The following B3GALT1 variants were observed in gnomAD, a reference collection of about 807,000 sequenced individuals.
B3GALT1 encodes UDP-Gal:betaGlcNAc beta 1,3-galactosyltransferase, polypeptide 1.
A neutral mutation model predicts 23.2 loss-of-function variants in B3GALT1; 10 were observed. The ratio of observed to expected loss-of-function variants is 0.43; its 90% confidence interval spans 0.27 to 0.73. The LOEUF (loss-of-function observed/expected upper bound fraction) is 0.73, where lower values mean the gene tolerates loss of function less well. B3GALT1 is among the 30% of genes least tolerant of loss of function. The pLI is 0.21. For missense variants in B3GALT1, 299 were observed against 405.4 expected, an observed-to-expected ratio of 0.74 and a Z score of 2.25; for synonymous variants, 156 against 141.5, an observed-to-expected ratio of 1.10 and a Z score of -0.73.
At chr2:167,835,547 A>T (rs1384967134) in intron 4 of B3GALT1, among the ~76,000 whole-genome samples, 1 of 152,204 alleles carries the variant, frequency 6.6e-6, no homozygotes, top group Non-Finnish European at 1.5e-5. Context: ...AACTGGGTGG[A>T]GCCCACCACA....
chr2:167,839,573 G>C (rs1245560863), intron 4 of B3GALT1, among the ~76,000 whole-genome samples: 2 of 152,276 alleles, frequency 1.3e-5, no homozygotes, highest in African/African-American at 4.8e-5. Flanking sequence ...TGGATAGGAA[G>C]AATCAATATC....
intron 3 of B3GALT1, chr2:167,713,696 C>T: frequency 1.3e-6 from 2 of 1,493,016 alleles, no homozygotes; most frequent in Non-Finnish European, 1.9e-6. Flanking sequence ...GTAGCAGGCT[C>T]CTTTGAAGGT....
At chr2:167,759,903 G>C (rs1687874889) in intron 3 of B3GALT1, among the ~76,000 whole-genome samples, 1 of 152,044 alleles carries the variant, frequency 6.6e-6, no homozygotes. Flanking sequence ...AGGCTTTTTG[G>C]GGTGTCGTTA....
At chr2:167,491,569 C>G (rs1408788997) in intron 2 of B3GALT1, among the ~76,000 whole-genome samples, 1 of 149,450 alleles carries the variant, frequency 6.7e-6, no homozygotes, top group Non-Finnish European at 1.5e-5. Context: ...AATCCCAGCA[C>G]TTTGGGAGGC....
intron 2 of B3GALT1, among the ~76,000 whole-genome samples, chr2:167,545,782 A>T (rs1683626886): frequency 1.3e-5 from 2 of 152,248 alleles, no homozygotes; most frequent in Non-Finnish European, 2.9e-5. Context: ...TTCTATACTT[A>T]AAATTACAGT....
chr2:167,464,147 G>A (rs1041122185), intron 1 of B3GALT1, among the ~76,000 whole-genome samples: 2 of 151,464 alleles, frequency 1.3e-5, no homozygotes, highest in African/African-American at 2.4e-5. Flanking sequence ...TAAAAACCAA[G>A]AATCCTGTGC....
At chr2:167,347,908 T>G (rs1428401682) in intron 1 of B3GALT1, among the ~76,000 whole-genome samples, 1 of 152,156 alleles carries the variant, frequency 6.6e-6, no homozygotes, top group Admixed American at 6.5e-5. Context: ...CAGCATCAAG[T>G]TTACCTTTAG....
intron 3 of B3GALT1, among the ~76,000 whole-genome samples, chr2:167,721,918 T>G (rs754442464): frequency 5.3e-5 from 8 of 152,254 alleles, no homozygotes; most frequent in Non-Finnish European, 7.3e-5. Flanking sequence ...TCTTTTCATT[T>G]TTCTGAACTC....
rs999509291 is a variant in B3GALT1 at position 167,407,049 on chromosome 2, A to G, written c.-510-83128A>G. 2.0e-5 allele frequency among the ~76,000 whole-genome samples: 3 copies of G among 152,294 alleles called. 1 individual carries two copies. The South Asian group carries it at 6.2e-4, about 32-fold the overall frequency. On this transcript the variant is annotated intron_variant, in intron 1 of 4. Coordinates refer to ENST00000392690, the MANE Select transcript of B3GALT1 (RefSeq NM_020981.4). ...CTGCCACAGAATACATGTTATTTTC[A>G]TTAGCAAATGGAACATTCTTGAGAA...
chr2:167,326,036 C>G (rs1696887440), intron 1 of B3GALT1, among the ~76,000 whole-genome samples: 1 of 151,986 alleles, frequency 6.6e-6, no homozygotes, highest in Non-Finnish European at 1.5e-5. Flanking sequence ...TCTATAGTGG[C>G]TGCACTAAAT....
At chr2:167,479,682 C>T (rs1236434141) in intron 1 of B3GALT1, among the ~76,000 whole-genome samples, 1 of 151,994 alleles carries the variant, frequency 6.6e-6, no homozygotes, top group Admixed American at 6.6e-5. Flanking sequence ...TCTTTGGGTT[C>T]AATTCAGGAT....
chr2:167,307,045 T>C (rs1258949139), intron 1 of B3GALT1, among the ~76,000 whole-genome samples: 6 of 151,990 alleles, frequency 3.9e-5, no homozygotes, highest in African/African-American at 1.4e-4. Context: ...CATATTTCAT[T>C]GAAATAAATT....
chr2:167,614,663 A>C (rs1193506522), intron 2 of B3GALT1, among the ~76,000 whole-genome samples: 1 of 152,060 alleles, frequency 6.6e-6, no homozygotes, highest in Non-Finnish European at 1.5e-5. Flanking sequence ...GAACGAATAG[A>C]TATTTCAGAA....
intron 1 of B3GALT1, among the ~76,000 whole-genome samples, chr2:167,316,088 T>TA (rs1696713454): frequency 1.3e-5 from 2 of 152,090 alleles, no homozygotes; most frequent in Non-Finnish European, 2.9e-5. Flanking sequence ...TATTTTTTTT[T>TA]ACCACTACTG....
rs1235341988 is a variant in B3GALT1 at position 167,647,373 on chromosome 2, ACATG to A, written c.-352+409_-352+412del. The stretch of plus-strand genomic sequence containing the variant: ...TATACTTCCCTCAAAGCAGCAGCTT[ACATG>A]CTGTGTGGTACCCTGTAACAGCATT... On this transcript the variant is annotated intron_variant, in intron 3 of 4. Coordinates refer to ENST00000392690, the MANE Select transcript of B3GALT1 (RefSeq NM_020981.4). Among the ~76,000 whole-genome samples, 402 of 100,374 alleles carry A rather than the reference ACATG, an allele frequency of 4.0e-3. 1 individual carries two copies. The highest frequency in any genetic ancestry group is 0.01 in the African/African-American group (357 of 35,252). 65.8% of individuals were successfully genotyped at this position (100,374 alleles called of 152,430 possible).
At chr2:167,392,460 C>T (rs190368399) in intron 1 of B3GALT1, among the ~76,000 whole-genome samples, 3 of 152,176 alleles carry the variant, frequency 2.0e-5, no homozygotes, top group African/African-American at 7.2e-5. Flanking sequence ...AATTTTGATA[C>T]TCAATTCATG....
chr2:167,608,391 A>T (rs1445181463), intron 2 of B3GALT1, among the ~76,000 whole-genome samples: 3 of 152,152 alleles, frequency 2.0e-5, no homozygotes, highest in African/African-American at 7.2e-5. Flanking sequence ...GATTTAAATT[A>T]ATTTGATGTT....
Position 167,696,207 on chromosome 2 carries a change from A to G in B3GALT1, c.-352+49241A>G, listed in dbSNP as rs976712865. ...ACATTCTGGAGTTGGACAGAGTAAC[A>G]TAAAAATACCAGTTCTGCCTTTTCT... On this transcript the variant is annotated intron_variant, in intron 3 of 4. Transcript: ENST00000392690. Among the ~76,000 whole-genome samples the G allele has an allele frequency of 5.3e-5, 8 of 151,974 alleles. No homozygotes were observed. In the South Asian group the frequency reaches 8.3e-4, roughly 16 times the overall value.
chr2:167,509,915 A>T (rs1671703793), intron 2 of B3GALT1, among the ~76,000 whole-genome samples: 1 of 152,038 alleles, frequency 6.6e-6, no homozygotes, highest in Non-Finnish European at 1.5e-5. Context: ...AATAAAATGA[A>T]GGAAGTTGAG....
Sources: allele counts gnomAD v4.1 joint callset (sites outside exome capture counted in the v4.1 genomes callset), GRCh38; gene constraint gnomAD v4.1.1; transcripts MANE v1.5; gene names NCBI Gene and HGNC (gene_info 2026-07-23, HGNC 2026-07-21).